COL4A4: variants seen among roughly 807,000 people sequenced by gnomAD.
COL4A4 encodes the protein collagen alpha-4(IV) chain.
COL4A4 carries 105 observed loss-of-function variants against 192.9 expected under a neutral mutation model. The ratio of observed to expected loss-of-function variants is 0.54; its 90% CI spans 0.46 to 0.64. The LOEUF (loss-of-function observed/expected upper bound fraction) is 0.64. Ranked by LOEUF, COL4A4 falls within the 30% of genes least tolerant of loss-of-function variation. The probability of loss-of-function intolerance (pLI) is 0.00; values close to 1 mark genes in which losing one functional copy is unlikely to be tolerated. For missense variants in COL4A4, 1,967 were observed against 2,169.3 expected, an observed-to-expected ratio of 0.91 and a Z score of 1.85; for synonymous variants, 762 against 769.9, an observed-to-expected ratio of 0.99 and a Z score of 0.17.
At chr2:227,018,484 C>A (rs1965363432) in intron 44 of COL4A4, among the ~76,000 whole-genome samples, 1 of 152,132 alleles carries the variant, frequency 6.6e-6, no homozygotes, top group Non-Finnish European at 1.5e-5. Context: ...CCGAGGAATA[C>A]ATGGCGGAGA....
the COL4A4 span, among the ~76,000 whole-genome samples, chr2:226,981,951 G>C: frequency 6.6e-6 from 1 of 152,226 alleles, no homozygotes; most frequent in Non-Finnish European, 1.5e-5. Context: ...CATGGTCCAA[G>C]TTATCTAGAC....
chr2:227,037,022 C>T (rs1007147764), intron 37 of COL4A4, among the ~76,000 whole-genome samples: 1 of 152,088 alleles, frequency 6.6e-6, no homozygotes, highest in Non-Finnish European at 1.5e-5. Flanking sequence ...TACTTTCCAA[C>T]TAGGAACTGG....
chr2:227,140,427 AG>A (rs1490019520), intron 3 of COL4A4, among the ~76,000 whole-genome samples, 189 bp from the exon 4 acceptor site: 1 of 152,238 alleles, frequency 6.6e-6, no homozygotes, highest in East Asian at 1.9e-4. Flanking sequence ...TATATGAGCA[AG>A]AAGCTTCCAA....
At chr2:227,070,052 G>C (rs1366990696) in intron 25 of COL4A4, among the ~76,000 whole-genome samples, 3 of 151,336 alleles carry the variant, frequency 2.0e-5, no homozygotes, top group African/African-American at 7.3e-5. Flanking sequence ...ATCAAAAAGT[G>C]GGCGAAGGAC....
chr2:227,030,712 G>C (rs1439397682), intron 40 of COL4A4, 114 bp from the exon 41 acceptor site: 12 of 759,972 alleles, frequency 1.6e-5, no homozygotes, highest in Non-Finnish European at 2.3e-5. Flanking sequence ...AAGGAATAAA[G>C]AGAATTAGAA....
downstream of COL4A4, among the ~76,000 whole-genome samples, chr2:227,000,209 G>T (rs1575644694): frequency 6.6e-6 from 1 of 152,186 alleles, no homozygotes; most frequent in Admixed American, 6.5e-5. Context: ...GCTCTTCAGG[G>T]TGTGCACCCA....
At chr2:227,124,059 ATATTAT>A (rs892481887) in intron 4 of COL4A4, among the ~76,000 whole-genome samples, 1 of 152,178 alleles carries the variant, frequency 6.6e-6, no homozygotes, top group Non-Finnish European at 1.5e-5. Flanking sequence ...TTGTTATTAT[ATATTAT>A]TATTATAAAT....
chr2:227,043,532 T>C (rs1015356620), intron 35 of COL4A4, among the ~76,000 whole-genome samples: 7 of 152,202 alleles, frequency 4.6e-5, no homozygotes, highest in Non-Finnish European at 7.3e-5. Flanking sequence ...CAATCTTAAT[T>C]AAATTAACTA....
At chr2:227,155,002 C>T (rs2064224848) in intron 1 of COL4A4, among the ~76,000 whole-genome samples, 1 of 152,196 alleles carries the variant, frequency 6.6e-6, no homozygotes, top group Non-Finnish European at 1.5e-5. Flanking sequence ...CATCCCACAT[C>T]CCAAGGTTTT....
chr2:227,109,662 G>A (rs995445109), intron 9 of COL4A4, among the ~76,000 whole-genome samples: 12 of 151,740 alleles, frequency 7.9e-5, no homozygotes, highest in African/African-American at 2.2e-4. Context: ...CAGGAGAATC[G>A]CTTGAACCAG....
chr2:227,137,009 C>G, intron 4 of COL4A4, among the ~76,000 whole-genome samples: 1 of 152,284 alleles, frequency 6.6e-6, no homozygotes, highest in East Asian at 1.9e-4. Context: ...CCCAAATCCT[C>G]GCTGGAAGAT....
intron 4 of COL4A4, among the ~76,000 whole-genome samples, chr2:227,135,231 G>T (rs1576774575): frequency 7.4e-6 from 1 of 135,886 alleles, no homozygotes; most frequent in East Asian, 2.1e-4. Flanking sequence ...CTAGAGCCGA[G>T]GGGACCAACC....
At chr2:227,089,080 T>C (rs533693483) in intron 21 of COL4A4, among the ~76,000 whole-genome samples, 15 of 152,192 alleles carry the variant, frequency 9.9e-5, no homozygotes, top group African/African-American at 3.4e-4. Context: ...TGACAAATTC[T>C]AGGGAAAAGC....
At chr2:227,001,345 G>T (rs1188386197), downstream of COL4A4, among the ~76,000 whole-genome samples, 3 of 151,878 alleles carry the variant, frequency 2.0e-5, no homozygotes, top group Non-Finnish European at 4.4e-5. Flanking sequence ...CGCCCACCTT[G>T]GACATGGCTG....
chr2:227,011,992 C>CAGTT (rs1173156178), intron 45 of COL4A4, among the ~76,000 whole-genome samples, 189 bp downstream of exon 45: 6 of 152,324 alleles, frequency 3.9e-5, no homozygotes, highest in African/African-American at 1.4e-4. Flanking sequence ...GGTTTAACAT[C>CAGTT]AGTTAGAACA....
At chr2:227,022,797 A>T (rs1487142354) in intron 43 of COL4A4, among the ~76,000 whole-genome samples, 1 of 152,190 alleles carries the variant, frequency 6.6e-6, no homozygotes, top group Non-Finnish European at 1.5e-5. Context: ...ATGTGGCCTG[A>T]GCAGTGTCCT....
intron 35 of COL4A4, among the ~76,000 whole-genome samples, chr2:227,045,923 ATATG>A (rs1435479255): frequency 1.3e-4 from 7 of 55,748 alleles, no homozygotes; most frequent in Non-Finnish European, 1.6e-4. Context: ...ATGTATATGT[ATATG>A]TATATATGTA....
In COL4A4 at chr2:227,086,740, C is replaced by T. The variant is rs560977210; in HGVS notation, c.1623+1913G>A. ...CCTAAGTAGCAACTCAACAGGAAGC[C>T]GCAAAAATATTTTAGAGCCATTAAA... On this transcript the variant is annotated intron_variant, in intron 22 of 47. Coordinates refer to ENST00000396625, the MANE Select transcript of COL4A4 (RefSeq NM_000092.5). Among the ~76,000 whole-genome samples, 32 of 152,194 alleles carry T rather than the reference C, an allele frequency of 2.1e-4. No individual in the cohort carries two copies. The South Asian group carries it at 4.1e-3, about 20-fold the overall frequency.
At position 227,006,013 on chromosome 2, in the gene COL4A4, CTG is replaced by C. The variant is rs1418446826; in HGVS notation, c.*1310_*1311del. 1 of 152,480 alleles carries C rather than the reference CTG, an allele frequency of 6.6e-6. No individual in the cohort carries two copies. The highest frequency in any genetic ancestry group is 1.5e-5 in the Non-Finnish European group (1 of 68,034). 9.4% of individuals were successfully genotyped at this position (152,480 alleles called of 1,614,324 possible). On this transcript the variant is annotated 3_prime_UTR_variant, in exon 48 of 48. Transcript: ENST00000396625. ...GAAAATACTAATGCCAAATGTCAAACTGTTGCCTTGGTACAAGACTGATATGA... is the reference window on the plus strand; with the variant it reads ...GAAAATACTAATGCCAAATGTCAAACTTGCCTTGGTACAAGACTGATATGA...
Sources: gnomAD v4.1 joint callset for allele counts (sites outside exome capture counted in the v4.1 genomes callset) on GRCh38, gnomAD v4.1.1 for gene constraint, MANE v1.5 for transcripts, NCBI Gene and HGNC (gene_info 2026-07-23, HGNC 2026-07-21) for gene names.